Variants in EIF4ENIF1 observed in about 807,000 individuals in gnomAD.
EIF4ENIF1 encodes the protein eukaryotic translation initiation factor 4E nuclear import factor 1.
In EIF4ENIF1, 23 loss-of-function variants were observed where a neutral mutation model predicts 110.5. That is an observed-to-expected ratio of 0.21 (90% CI 0.15 to 0.29). EIF4ENIF1 has a LOEUF of 0.29. Ranked by LOEUF, EIF4ENIF1 falls within the 10% of genes least tolerant of loss-of-function variation. EIF4ENIF1 has a pLI of 1.00. For synonymous variants in EIF4ENIF1, 440 were observed against 437.0 expected, an observed-to-expected ratio of 1.01 and a Z score of -0.09; for missense variants, 1,031 against 1,221.1, an observed-to-expected ratio of 0.84 and a Z score of 2.32.
At chr22:31,443,175 A>G (rs2050357465) in intron 15 of EIF4ENIF1, 81 bp from the exon 16 acceptor site, 16 of 1,554,570 alleles carry the variant, frequency 1.0e-5, no homozygotes, top group Non-Finnish European at 1.3e-5. Context: ...TTGTCAAGAT[A>G]CTCAACAAAG....
At chr22:31,438,950 G>C (rs1360383323), downstream of EIF4ENIF1, among the ~76,000 whole-genome samples, 3 of 152,232 alleles carry the variant, frequency 2.0e-5, no homozygotes, top group East Asian at 5.8e-4. Context: ...TTGATCTCTT[G>C]ACCTTGTGAT....
At chr22:31,476,749 T>C (rs1439188511) in intron 2 of EIF4ENIF1, among the ~76,000 whole-genome samples, 1 of 151,482 alleles carries the variant, frequency 6.6e-6, no homozygotes, top group Admixed American at 6.6e-5. Flanking sequence ...GGCAGGAGAA[T>C]TGCCTGAGCC....
At chr22:31,450,446 T>C (rs148925197) in intron 10 of EIF4ENIF1, 86 bp from the exon 11 acceptor site, 4 of 1,073,012 alleles carry the variant, frequency 3.7e-6, no homozygotes, top group Middle Eastern at 2.1e-4. Flanking sequence ...AAGCATAAAA[T>C]ACTCCTAGGG....
chr22:31,471,769 T>C (rs1405893753), intron 3 of EIF4ENIF1, 75 bp downstream of exon 3: 15 of 1,307,386 alleles, frequency 1.1e-5, no homozygotes, highest in Non-Finnish European at 1.6e-5. Flanking sequence ...AACAATACAA[T>C]TCTTAATTTA....
At chr22:31,485,846 TG>T (rs1964124921) in intron 2 of EIF4ENIF1, among the ~76,000 whole-genome samples, 3 of 151,886 alleles carry the variant, frequency 2.0e-5, no homozygotes, top group African/African-American at 7.3e-5. Context: ...CCAGGCTCGG[TG>T]GCTCACACCT....
At chr22:31,469,518 T>C (rs1348073702) in intron 3 of EIF4ENIF1, among the ~76,000 whole-genome samples, 2 of 152,204 alleles carry the variant, frequency 1.3e-5, no homozygotes, top group Admixed American at 1.3e-4. Flanking sequence ...CAATAAAATA[T>C]ATACTACCTA....
At chr22:31,445,008 A>G (rs2050418164) in intron 14 of EIF4ENIF1, among the ~76,000 whole-genome samples, 1 of 152,218 alleles carries the variant, frequency 6.6e-6, no homozygotes, top group Non-Finnish European at 1.5e-5. Context: ...TAGAAGAAAT[A>G]ACAAGGCACT....
rs778973141 is a variant in EIF4ENIF1, at chr22:31,463,746, C to T, written c.520G>A (p.Asp174Asn). The T allele has an allele frequency of 6.2e-6, 10 of 1,613,806 alleles. No individual in the cohort carries two copies. The highest frequency in any genetic ancestry group is 5.0e-5 in the Admixed American group (3 of 59,964). ...TCTCTCAAGTCCCGCAGGTCCTTAT[C>T]GCTAAGACGGTGATCCTTCTCAAAG... is the stretch of plus-strand genomic sequence containing the variant. ...RTFEKDHRLS[D>N]KDLRDLRDRD... Residue 174 changes from aspartate (D) to asparagine (N), a missense_variant, in exon 5 of 19, where the codon GAT becomes AAT. Around this residue, in one of 3 missense-constraint regions of EIF4ENIF1, gnomAD observed 704 missense variants for 879.7 expected, o/e 0.80. Coordinates refer to ENST00000330125, the MANE Select transcript of EIF4ENIF1 (RefSeq NM_019843.4).
chr22:31,458,778 T>TAC, intron 6 of EIF4ENIF1, 128 bp from the exon 7 acceptor site: 1 of 796,700 alleles, frequency 1.3e-6, no homozygotes, highest in Non-Finnish European at 1.8e-6. Context: ...CTCGTGCAGG[T>TAC]ACTGTACTTG....
intron 14 of EIF4ENIF1, among the ~76,000 whole-genome samples, chr22:31,446,586 A>G (rs2050488083): frequency 6.6e-6 from 1 of 152,176 alleles, no homozygotes; most frequent in Non-Finnish European, 1.5e-5. Flanking sequence ...TTAAAGGTAG[A>G]CTAAACTATA....
At position 31,444,647 on chromosome 22, in the gene EIF4ENIF1, T is replaced by A; in HGVS notation, c.2032A>T (p.Asn678Tyr). Residue 678 changes from asparagine (N) to tyrosine (Y), a missense_variant, in exon 15 of 19, where the codon AAT becomes TAT. By Grantham distance (143) the Asn-to-Tyr change is moderately radical. Transcript: ENST00000330125. ...TKSPAPVHRG[N>Y]SSSPAPAASI... ...GCAGCAGGGGCAGGGGAAGAGGAATTCCCTCGATGCACGGGTGCTGGTGAC... is the reference window on the plus strand; with the variant it reads ...GCAGCAGGGGCAGGGGAAGAGGAATACCCTCGATGCACGGGTGCTGGTGAC... The A allele has an allele frequency of 6.2e-7, 1 of 1,614,110 alleles. No individual in the cohort carries two copies. Among genetic ancestry groups the A allele is most frequent in the East Asian group, 2.2e-5 (1 of 44,872 alleles).
At chr22:31,441,259 A>G (rs1414001148) in intron 17 of EIF4ENIF1, among the ~76,000 whole-genome samples, 2 of 151,030 alleles carry the variant, frequency 1.3e-5, no homozygotes, top group African/African-American at 2.4e-5. Flanking sequence ...AAAAGAATGA[A>G]GAATTCTCTG....
chr22:31,445,389 C>T (rs940971982), intron 14 of EIF4ENIF1, among the ~76,000 whole-genome samples: 8 of 152,218 alleles, frequency 5.3e-5, no homozygotes, highest in African/African-American at 1.9e-4. Flanking sequence ...AGTATAGTCA[C>T]TGACCTGAAG....
At chr22:31,473,966 C>A (rs1443512086) in intron 2 of EIF4ENIF1, among the ~76,000 whole-genome samples, 3 of 152,160 alleles carry the variant, frequency 2.0e-5, no homozygotes, top group African/African-American at 7.2e-5. Flanking sequence ...TATTTACCAG[C>A]CAGCACTTGG....
In EIF4ENIF1 at chr22:31,477,745, CATAGAGG is replaced by C. The variant is rs369135516; in HGVS notation, c.97-5835_97-5829del. 1.4e-3 allele frequency among the ~76,000 whole-genome samples: 219 copies of C among 152,258 alleles called. 1 individual carries two copies. The highest frequency in any genetic ancestry group is 5.2e-3 in the African/African-American group (216 of 41,542). On this transcript the variant is annotated intron_variant, in intron 2 of 18. Transcript: ENST00000330125. The stretch of plus-strand genomic sequence containing the variant: ...ATGGCTAAAACATAGCTCACCTGTC[CATAGAGG>C]ATAAAGAGCCATTTTCTTCACTGAG...
chr22:31,487,580 T>G (rs1042162970), intron 2 of EIF4ENIF1, among the ~76,000 whole-genome samples: 1 of 152,084 alleles, frequency 6.6e-6, no homozygotes, highest in Non-Finnish European at 1.5e-5. Context: ...GCGGATTGCT[T>G]AAGCCCAGGA....
chr22:31,453,009 G>A lies in EIF4ENIF1; in HGVS notation c.1512+1135C>T, dbSNP rs182529107. On this transcript the variant is annotated intron_variant, in intron 10 of 18. Coordinates refer to ENST00000330125, the MANE Select transcript of EIF4ENIF1 (RefSeq NM_019843.4). ...TTGCTACTTGCATCTTGGCTAACTG[G>A]TAAGTTCCCAGGCAAGCAGGGAACA... Among the ~76,000 whole-genome samples, 6 of 151,502 alleles carry A rather than the reference G, an allele frequency of 4.0e-5. No individual in the cohort carries two copies. In the Admixed American group the frequency reaches 4.0e-4, roughly 10 times the overall value.
At chr22:31,447,364 AATTT>A (rs2050508229) in intron 14 of EIF4ENIF1, 58 bp downstream of exon 14, 1 of 1,590,550 alleles carries the variant, frequency 6.3e-7, no homozygotes, top group Non-Finnish European at 8.6e-7. Context: ...GCAGATAAGT[AATTT>A]ATTAGTTTCA....
chr22:31,463,214 C>T, intron 5 of EIF4ENIF1, 81 bp from the exon 6 acceptor site: 1 of 1,355,968 alleles, frequency 7.4e-7, no homozygotes, highest in Non-Finnish European at 1.0e-6. Context: ...TTGTAATGTT[C>T]AATAGTGAAA....
Sources: allele counts gnomAD v4.1 joint callset (sites outside exome capture counted in the v4.1 genomes callset), GRCh38; gene constraint gnomAD v4.1.1; regional missense constraint gnomAD v4.1.1; transcripts MANE v1.5; gene names NCBI Gene and HGNC (gene_info 2026-07-23, HGNC 2026-07-21).